Variants in UBE2E3 observed in about 807,000 individuals in gnomAD.
The protein encoded by UBE2E3 is ubiquitin-conjugating enzyme E2 E3.
In UBE2E3, 5 loss-of-function variants were observed where a neutral mutation model predicts 23.6. The ratio of observed to expected loss-of-function variants is 0.21; its 90% confidence interval spans 0.11 to 0.44. The LOEUF is 0.44. Ranked by LOEUF, UBE2E3 falls within the 20% of genes least tolerant of loss-of-function variation. The pLI is 0.99. For missense variants in UBE2E3, 81 were observed against 249.8 expected, an observed-to-expected ratio of 0.32 and a Z score of 4.55; for synonymous variants, 78 against 87.5, an observed-to-expected ratio of 0.89 and a Z score of 0.60.
At chr2:181,029,659 C>CTTTTTTTTTTTTTTTTTTTAAT (rs1686010448) in intron 3 of UBE2E3, among the ~76,000 whole-genome samples, 1 of 116,852 alleles carries the variant, frequency 8.6e-6, no homozygotes, top group Admixed American at 8.8e-5. Context: ...TGTAGACAAT[C>CTTTTTTTTTTTTTTTTTTTAAT]TTTTTTTTTT....
chr2:181,042,092 C>G (rs1686528672), intron 3 of UBE2E3, among the ~76,000 whole-genome samples: 1 of 152,182 alleles, frequency 6.6e-6, no homozygotes, highest in Non-Finnish European at 1.5e-5. Context: ...AGTTTTTCCA[C>G]TAATGTCCTT....
chr2:181,009,993 C>G (rs1480706548), intron 3 of UBE2E3, among the ~76,000 whole-genome samples: 3 of 151,880 alleles, frequency 2.0e-5, no homozygotes, highest in Non-Finnish European at 2.9e-5. Context: ...ATTTTAAATA[C>G]TATTTCTGCT....
At position 180,988,232 on chromosome 2, in the gene UBE2E3, C is replaced by G. The variant is rs1433448258; in HGVS notation, c.245+4139C>G. On this transcript the variant is annotated intron_variant, in intron 3 of 5. Transcript: ENST00000410062. ...AGTGTAGCCTGTAGTGATGTGCTCTCACTGTTGCTGGCATTTTCTCTAGTG... is the reference window on the plus strand; with the variant it reads ...AGTGTAGCCTGTAGTGATGTGCTCTGACTGTTGCTGGCATTTTCTCTAGTG... Among the ~76,000 whole-genome samples, 3 of 152,116 alleles carry G rather than the reference C, an allele frequency of 2.0e-5. No homozygotes were observed. The East Asian group carries it at 5.8e-4, about 29-fold the overall frequency.
At chr2:180,993,245 T>C (rs1684722921) in intron 3 of UBE2E3, among the ~76,000 whole-genome samples, 1 of 152,216 alleles carries the variant, frequency 6.6e-6, no homozygotes, top group African/African-American at 2.4e-5. Context: ...TCCCAGTTCC[T>C]TCTTTTTGGT....
chr2:181,040,141 A>G (rs890030683), intron 3 of UBE2E3, among the ~76,000 whole-genome samples: 3 of 152,208 alleles, frequency 2.0e-5, no homozygotes, highest in Non-Finnish European at 4.4e-5. Flanking sequence ...AAATTTATAT[A>G]CTTAAATTGG....
chr2:180,982,289 G>T, intron 2 of UBE2E3, 53 bp downstream of exon 2: 1 of 1,547,888 alleles, frequency 6.5e-7, no homozygotes, highest in Non-Finnish European at 8.8e-7. Flanking sequence ...CTTCCAGGTG[G>T]TTGGACGCTT....
chr2:181,011,646 T>C (rs1685331722), intron 3 of UBE2E3, among the ~76,000 whole-genome samples: 2 of 152,208 alleles, frequency 1.3e-5, no homozygotes, highest in Non-Finnish European at 2.9e-5. Flanking sequence ...TGTTAGTTGC[T>C]AGGTAATGTC....
chr2:181,054,896 G>A (rs944178540), intron 3 of UBE2E3, among the ~76,000 whole-genome samples: 1 of 151,804 alleles, frequency 6.6e-6, no homozygotes, highest in African/African-American at 2.4e-5. Flanking sequence ...GGAATAGAGA[G>A]TGAGAACGAG....
intron 3 of UBE2E3, among the ~76,000 whole-genome samples, chr2:181,015,593 T>TAAAGGTAAGATAAA (rs1314990691): frequency 6.6e-6 from 1 of 152,186 alleles, no homozygotes; most frequent in Non-Finnish European, 1.5e-5. Context: ...TTTCATTATA[T>TAAAGGTAAGATAAA]GATAAAGGTA....
intron 3 of UBE2E3, among the ~76,000 whole-genome samples, chr2:180,994,652 G>A (rs1240814720): frequency 6.6e-6 from 1 of 152,178 alleles, no homozygotes; most frequent in Non-Finnish European, 1.5e-5. Context: ...GCATGGATTT[G>A]AACGAGTGGG....
intron 3 of UBE2E3, among the ~76,000 whole-genome samples, chr2:181,057,438 T>C (rs1372104545): frequency 6.6e-6 from 1 of 151,804 alleles, no homozygotes; most frequent in Non-Finnish European, 1.5e-5. Context: ...CAGAGCAGAA[T>C]GCTAATGGAG....
chr2:181,010,223 A>C (rs1014667485), intron 3 of UBE2E3, among the ~76,000 whole-genome samples: 1 of 152,170 alleles, frequency 6.6e-6, no homozygotes, highest in Non-Finnish European at 1.5e-5. Context: ...GGTTCTCTAT[A>C]GTTCTTTTTC....
chr2:181,047,757 C>G (rs568609965), intron 3 of UBE2E3, among the ~76,000 whole-genome samples: 1 of 152,136 alleles, frequency 6.6e-6, no homozygotes, highest in African/African-American at 2.4e-5. Flanking sequence ...ACAGCCCCTC[C>G]GGGCCTCCTC....
intron 4 of UBE2E3, 66 bp downstream of exon 4, chr2:181,057,891 C>T: frequency 6.7e-7 from 1 of 1,502,144 alleles, no homozygotes; most frequent in Non-Finnish European, 9.1e-7. Context: ...TATTCTAGAA[C>T]TTAAATGTGT....
chr2:181,001,553 A>G (rs1198948507), intron 3 of UBE2E3, among the ~76,000 whole-genome samples: 1 of 152,186 alleles, frequency 6.6e-6, no homozygotes, highest in Non-Finnish European at 1.5e-5. Context: ...TTGCTTAAGC[A>G]TAAGAGAAGG....
At chr2:180,995,855 G>C (rs1027602232) in intron 3 of UBE2E3, among the ~76,000 whole-genome samples, 1 of 151,110 alleles carries the variant, frequency 6.6e-6, no homozygotes, top group Non-Finnish European at 1.5e-5. Context: ...TTGTTTTTCT[G>C]TGATGTTAGC....
At chr2:181,053,425 A>C (rs1190102510) in intron 3 of UBE2E3, among the ~76,000 whole-genome samples, 2 of 151,876 alleles carry the variant, frequency 1.3e-5, no homozygotes, top group Non-Finnish European at 2.9e-5. Context: ...TTTGGAACAT[A>C]CTCGTTTATA....
intron 3 of UBE2E3, among the ~76,000 whole-genome samples, chr2:181,051,314 G>T (rs867815876): frequency 6.6e-6 from 1 of 151,448 alleles, no homozygotes; most frequent in African/African-American, 2.4e-5. Flanking sequence ...TTCCTTATTG[G>T]TAGACATAGT....
chr2:181,057,509 A>G (rs1353813698), intron 3 of UBE2E3, among the ~76,000 whole-genome samples, 184 bp from the exon 4 acceptor site: 1 of 151,794 alleles, frequency 6.6e-6, no homozygotes, highest in African/African-American at 2.4e-5. Flanking sequence ...GTAAGTTTGT[A>G]ATATTTCCAA....
Sources: gnomAD v4.1 joint callset for allele counts (sites outside exome capture counted in the v4.1 genomes callset) on GRCh38, gnomAD v4.1.1 for gene constraint, MANE v1.5 for transcripts, NCBI Gene and HGNC (gene_info 2026-07-23, HGNC 2026-07-21) for gene names.